Variants in NOTCH2NLB observed in about 807,000 individuals in gnomAD.
NOTCH2NLB encodes notch homolog 2 N-terminal-like protein B.
A neutral mutation model predicts 14.8 loss-of-function variants in NOTCH2NLB; 1 was observed. The observed-to-expected ratio is 0.07, with a 90% CI of 0.02 to 0.32. The LOEUF is 0.32. NOTCH2NLB is among the 10% of genes least tolerant of loss of function. NOTCH2NLB has a pLI of 1.00. For missense variants in NOTCH2NLB, 11 were observed against 155.0 expected, an observed-to-expected ratio of 0.07 and a Z score of 4.93; for synonymous variants, 6 against 57.5, an observed-to-expected ratio of 0.10 and a Z score of 4.05.
Position 148,608,405 on chromosome 1 carries a change from A to G in NOTCH2NLB, c.338-660T>C, listed in dbSNP as rs1441773387. The stretch of plus-strand genomic sequence containing the variant: ...CCATTTCAAAAAAAAAAAAAAATCA[A>G]CTTCCCTTCTGTTTTCCTAGTGAAC... On this transcript the variant is annotated intron_variant, in intron 3 of 4. Coordinates refer to ENST00000593495, the Ensembl canonical transcript of NOTCH2NLB. Among the ~76,000 whole-genome samples, 211 of 149,486 alleles carry G rather than the reference A, an allele frequency of 1.4e-3. 2 individuals are homozygous for G. In the South Asian group the frequency reaches 0.043, roughly 31 times the overall value.
rs1326026239 is a variant in NOTCH2NLB, at chr1:148,636,926, T to G, written c.77+3090A>C. ...CTCCCAAAAGGATGGCCTCACCAAA[T>G]TTTTTCTTTCTCTCAAGGAGTTTGT... On this transcript the variant is annotated intron_variant, in intron 2 of 4. Transcript: ENST00000593495. Among the ~76,000 whole-genome samples, 7 of 146,066 alleles carry G rather than the reference T, an allele frequency of 4.8e-5. No individual in the cohort carries two copies. In the South Asian group the frequency reaches 1.6e-3, roughly 32 times the overall value.
intron 3 of NOTCH2NLB, among the ~76,000 whole-genome samples, chr1:148,608,214 C>T: frequency 7.3e-6 from 1 of 136,086 alleles, no homozygotes; most frequent in East Asian, 2.0e-4. Context: ...TGGTGAAACC[C>T]TGTCTCTACT....
At chr1:148,703,245 A>G in the NOTCH2NLB span, among the ~76,000 whole-genome samples, 3 of 115,418 alleles carry the variant, frequency 2.6e-5, no homozygotes, top group Admixed American at 2.0e-4. Context: ...AGCCAAGATC[A>G]CGCCACTGCA....
chr1:148,637,132 A>G (rs1432672219), intron 2 of NOTCH2NLB, among the ~76,000 whole-genome samples: 1 of 139,170 alleles, frequency 7.2e-6, no homozygotes, highest in African/African-American at 2.8e-5. Context: ...GCAGTGGTGC[A>G]ATCTTGGCTC....
intron 3 of NOTCH2NLB, among the ~76,000 whole-genome samples, chr1:148,610,339 AAGAAAGAAAG>A (rs1663651402): frequency 1.0e-5 from 1 of 96,780 alleles, no homozygotes; most frequent in Non-Finnish European, 2.2e-5. Context: ...GAAAGAAAGA[AAGAAAGAAAG>A]AAAGAAAGAA....
chr1:148,645,719 C>A (rs1369939983), intron 1 of NOTCH2NLB, among the ~76,000 whole-genome samples: 3 of 150,310 alleles, frequency 2.0e-5, no homozygotes, highest in Non-Finnish European at 3.0e-5. Flanking sequence ...TCTTGCCTCA[C>A]CCAGAAAGCT....
intron 2 of NOTCH2NLB, among the ~76,000 whole-genome samples, chr1:148,638,961 C>A (rs1316184136): frequency 7.2e-6 from 1 of 138,662 alleles, no homozygotes. Context: ...AGCATCTTCC[C>A]TGAAATAAAC....
At chr1:148,645,854 T>G (rs1413185582) in intron 1 of NOTCH2NLB, among the ~76,000 whole-genome samples, 1 of 150,700 alleles carries the variant, frequency 6.6e-6, no homozygotes, top group East Asian at 1.9e-4. Context: ...GTTCCTGGGA[T>G]ATGGAAAACA....
chr1:148,674,816 C>T (rs1377086306), intron 1 of NOTCH2NLB, among the ~76,000 whole-genome samples: 32 of 145,298 alleles, frequency 2.2e-4, no homozygotes, highest in Non-Finnish European at 4.0e-4. Context: ...CATATTTCAC[C>T]TTTAGTTTTT....
Position 148,651,144 on chromosome 1 carries a change from G to GAA in NOTCH2NLB, c.4-11057_4-11056dup, listed in dbSNP as rs1159790526. Among the ~76,000 whole-genome samples, 107 of 76,458 alleles carry GAA rather than the reference G, an allele frequency of 1.4e-3. 1 individual carries two copies. The highest frequency in any genetic ancestry group is 3.6e-3 in the East Asian group (7 of 1,934). 50.2% of individuals were successfully genotyped at this position (76,458 alleles called of 152,430 possible). A position where few individuals can be genotyped will look rare whatever the true frequency, so the allele number is the denominator to read the frequency against. Reference sequence around the variant, plus strand: ...GGCGACACAGCAAGACTCTGCCTGAGAAAAAAAAAAAAAAAAAAATATATA... The same window carrying GAA: ...GGCGACACAGCAAGACTCTGCCTGAGAAAAAAAAAAAAAAAAAAAAATATATA... On this transcript the variant is annotated intron_variant, in intron 1 of 4. Transcript: ENST00000593495.
rs1327459581 is a variant in NOTCH2NLB at position 148,637,099 on chromosome 1, C to T, written c.77+2917G>A. On this transcript the variant is annotated intron_variant, in intron 2 of 4. Transcript: ENST00000593495. ...TTTTTTTTTTTTGGAGACACAGTCT[C>T]GCTCTGTCGCTCAGGCTGGAGTGCA... Among the ~76,000 whole-genome samples, 6 of 133,670 alleles carry T rather than the reference C, an allele frequency of 4.5e-5. 1 individual carries two copies. In the East Asian group the frequency reaches 1.0e-3, roughly 23 times the overall value. 87.7% of individuals were successfully genotyped at this position (133,670 alleles called of 152,430 possible).
chr1:148,679,547 C>T, exon 1 of NOTCH2NLB: 1 of 1,135,276 alleles, frequency 8.8e-7, no homozygotes, highest in East Asian at 5.5e-5. Flanking sequence ...TCTCGGTCGC[C>T]TCCTCCGCCG....
At chr1:148,650,579 A>T in intron 1 of NOTCH2NLB, among the ~76,000 whole-genome samples, 1 of 150,584 alleles carries the variant, frequency 6.6e-6, no homozygotes, top group Non-Finnish European at 1.5e-5. Flanking sequence ...TTTAGGGTAC[A>T]TGTGCACAAC....
At chr1:148,651,180 T>C (rs1664504409) in intron 1 of NOTCH2NLB, among the ~76,000 whole-genome samples, 1 of 130,562 alleles carries the variant, frequency 7.7e-6, no homozygotes, top group Admixed American at 7.6e-5. Flanking sequence ...TATATATATA[T>C]ATATATATAT....
chr1:148,611,426 CTT>C (rs1167026748), intron 3 of NOTCH2NLB, among the ~76,000 whole-genome samples: 1 of 22 alleles, frequency 0.045, no homozygotes, highest in African/African-American at 0.083. Flanking sequence ...AGGGGTTCTG[CTT>C]TTGCTTCTTC....
exon 1 of NOTCH2NLB, chr1:148,679,470 G>C: frequency 9.1e-7 from 1 of 1,098,776 alleles, no homozygotes. Context: ...ACCATGCGCG[G>C]GGGTCGCGCA....
chr1:148,610,371 A>AAGAG (rs1491094241), intron 3 of NOTCH2NLB, among the ~76,000 whole-genome samples: 2 of 100,088 alleles, frequency 2.0e-5, no homozygotes, highest in African/African-American at 8.7e-5. Context: ...GAAAGAAAGA[A>AAGAG]AGAGAAAGAA....
intron 2 of NOTCH2NLB, among the ~76,000 whole-genome samples, chr1:148,627,742 A>G (rs1664016878): frequency 6.6e-6 from 1 of 150,804 alleles, no homozygotes; most frequent in Non-Finnish European, 1.5e-5. Flanking sequence ...TATAACCCTG[A>G]GCCTGTGTTA....
chr1:148,604,950 TACACAC>T (rs1186780760), downstream of NOTCH2NLB, among the ~76,000 whole-genome samples: 4,051 of 126,298 alleles, frequency 0.032, 219 homozygotes, highest in African/African-American at 0.084. Flanking sequence ...CAACGCCATA[TACACAC>T]ACACACACAC....
Sources: allele counts gnomAD v4.1 joint callset (sites outside exome capture counted in the v4.1 genomes callset), GRCh38; gene constraint gnomAD v4.1.1; transcripts MANE v1.5; gene names NCBI Gene and HGNC (gene_info 2026-07-23, HGNC 2026-07-21).